OTOF: variants seen among roughly 807,000 people sequenced by gnomAD.
The protein encoded by OTOF is fer-1-like family member 2.
OTOF carries 218 observed loss-of-function variants against 236.8 expected under a neutral mutation model. The ratio of observed to expected loss-of-function variants is 0.92; its 90% CI spans 0.82 to 1.03. The LOEUF (loss-of-function observed/expected upper bound fraction) is 1.03, where lower values mean the gene tolerates loss of function less well. Ranked by LOEUF, OTOF falls within the 50% of genes least tolerant of loss-of-function variation. The pLI is 0.00. For synonymous variants in OTOF, 1,041 were observed against 1,072.5 expected (o/e 0.97, Z 0.57); for missense variants, 2,590 against 2,694.4 (o/e 0.96, Z 0.86).
At position 26,558,562 on chromosome 2, in the gene OTOF, G is replaced by A. The variant is rs758195578; in HGVS notation, c.10C>T (p.Leu4Phe). 2.5e-6 allele frequency: 4 copies of A among 1,613,814 alleles called. No individual in the cohort carries two copies. Among genetic ancestry groups the A allele is most frequent in the African/African-American group, 1.3e-5 (1 of 74,936 alleles). Residue 4 changes from leucine (L) to phenylalanine (F), a missense_variant, in exon 1 of 47, where the codon CTC (leucine) becomes TTC (phenylalanine). Leu to Phe is a conservative substitution (Grantham distance 22, BLOSUM62 0). Coordinates refer to ENST00000272371, the MANE Select transcript of OTOF (RefSeq NM_194248.3). Reference protein sequence around the residue: MALLIHLKTVSELR... With the variant: MALFIHLKTVSELR... Reference sequence around the variant, plus strand: ...TCCGAGACTGTCTTGAGGTGGATGAGCAAGGCCATGCTGGTGTGGGCTGCC... The same window carrying A: ...TCCGAGACTGTCTTGAGGTGGATGAACAAGGCCATGCTGGTGTGGGCTGCC...
intron 5 of OTOF, among the ~76,000 whole-genome samples, chr2:26,507,049 A>T (rs1314571991): frequency 6.6e-6 from 1 of 152,238 alleles, no homozygotes; most frequent in African/African-American, 2.4e-5. Context: ...CCTTGAAGCA[A>T]TTGAAAGGAG....
At chr2:26,554,283 G>C (rs72857907) in intron 1 of OTOF, among the ~76,000 whole-genome samples, 2,263 of 152,138 alleles carry the variant, frequency 0.015, 42 homozygotes, top group East Asian at 0.048. Context: ...GGCCCTTGAG[G>C]CCTCTTCCAG....
In OTOF at chr2:26,552,250, C is replaced by T. The variant is rs573386023; in HGVS notation, c.79+6243G>A. 1.9e-3 allele frequency among the ~76,000 whole-genome samples: 285 copies of T among 152,186 alleles called. 1 individual carries two copies. The highest frequency in any genetic ancestry group is 6.7e-3 in the African/African-American group (277 of 41,522). On this transcript the variant is annotated intron_variant, in intron 1 of 46. Transcript: ENST00000272371. ...ACTAAAAATACAAAAATTAGCTGAG[C>T]ATGGTGGTGCGTGCCTGTAGTCCTA...
At position 26,530,763 on chromosome 2, in the gene OTOF, G is replaced by A. The variant is rs1422064221; in HGVS notation, c.139-2843C>T. Among the ~76,000 whole-genome samples the A allele has an allele frequency of 2.0e-5, 3 of 151,896 alleles. 1 individual carries two copies. Among genetic ancestry groups the A allele is most frequent in the Admixed American group, 1.3e-4 (2 of 15,248 alleles). On this transcript the variant is annotated intron_variant, in intron 2 of 46. Transcript: ENST00000272371. ...TCTGTCTCCCTCTGTCTTTCTCAGGGGTTCTTCATCTTGGCTGGAACTGCA... is the reference window on the plus strand; with the variant it reads ...TCTGTCTCCCTCTGTCTTTCTCAGGAGTTCTTCATCTTGGCTGGAACTGCA...
At chr2:26,482,669 G>T (rs994794823) in intron 13 of OTOF, 77 bp from the exon 14 acceptor site, 2 of 1,252,600 alleles carry the variant, frequency 1.6e-6, no homozygotes, top group East Asian at 2.4e-5. Context: ...GTGAGTGGGC[G>T]CATGTGTGCG....
chr2:26,515,687 C>A (rs1416049535), intron 5 of OTOF, among the ~76,000 whole-genome samples: 1 of 152,134 alleles, frequency 6.6e-6, no homozygotes, highest in Non-Finnish European at 1.5e-5. Context: ...TCAGATGCAC[C>A]CTTGACTTAC....
intron 5 of OTOF, among the ~76,000 whole-genome samples, chr2:26,508,935 A>G (rs1037916274): frequency 2.1e-4 from 32 of 152,242 alleles, no homozygotes; most frequent in Admixed American, 3.9e-4. Flanking sequence ...TAACAATACT[A>G]TATGCCAGTT....
chr2:26,519,527 G>C (rs1477439038), intron 3 of OTOF, among the ~76,000 whole-genome samples: 2 of 152,184 alleles, frequency 1.3e-5, no homozygotes, highest in Admixed American at 1.3e-4. Context: ...AAGGTTTCCA[G>C]CCCACACCAA....
chr2:26,531,175 G>A (rs988605487), intron 2 of OTOF, among the ~76,000 whole-genome samples: 27 of 152,296 alleles, frequency 1.8e-4, no homozygotes, highest in African/African-American at 6.5e-4. Flanking sequence ...TGCTGAGGCA[G>A]CCTCTGTGAG....
In OTOF at chr2:26,467,152, C is replaced by G. The variant is rs952623680; in HGVS notation, c.4309G>C (p.Gly1437Arg). 1 of 1,614,000 alleles carries G rather than the reference C, an allele frequency of 6.2e-7. No homozygotes were observed. The highest frequency in any genetic ancestry group is 2.2e-5 in the East Asian group (1 of 44,864). ...TCGGTGGAGCCATCCTCATCATCCC[C>G]GGTCTTGCCCCGAAGCAAGTTGAAA... The part of the protein sequence containing the change: ...HTFNLLRGKT[G>R]DDEDGSTEEE... The change falls in exon 35 of 47, where the codon GGG becomes CGG. Residue 1437 changes from glycine (G) to arginine (R), a missense_variant. Physicochemically the swap from Gly to Arg is moderately radical, Grantham distance 125 (BLOSUM62 -2). Coordinates refer to ENST00000272371, the MANE Select transcript of OTOF (RefSeq NM_194248.3).
intron 24 of OTOF, 60 bp from the exon 25 acceptor site, chr2:26,475,553 C>G (rs1166384466): frequency 1.1e-5 from 17 of 1,575,760 alleles, no homozygotes; most frequent in Non-Finnish European, 1.4e-5. Context: ...GATGCACAAA[C>G]AGAAGCCACC....
intron 11 of OTOF, among the ~76,000 whole-genome samples, chr2:26,484,848 CAT>C (rs1371277231): frequency 6.6e-6 from 1 of 152,124 alleles, no homozygotes; most frequent in Admixed American, 6.5e-5. Flanking sequence ...TGCCCATGGA[CAT>C]ATATCCCATG....
intron 8 of OTOF, among the ~76,000 whole-genome samples, chr2:26,495,507 C>T (rs966836590): frequency 6.6e-6 from 1 of 151,902 alleles, no homozygotes; most frequent in Admixed American, 6.6e-5. Flanking sequence ...TCACTGCAAC[C>T]CTCTGCCTCC....
intron 1 of OTOF, among the ~76,000 whole-genome samples, chr2:26,548,353 A>G (rs192629658): frequency 8.3e-4 from 127 of 152,182 alleles, no homozygotes; most frequent in Non-Finnish European, 1.6e-3. Flanking sequence ...CATAACATTC[A>G]TCCTTCTAAA....
chr2:26,472,856 G>C (rs187581945), intron 29 of OTOF, among the ~76,000 whole-genome samples: 3 of 152,296 alleles, frequency 2.0e-5, no homozygotes, highest in African/African-American at 7.2e-5. Context: ...CGGTGGGAGG[G>C]AGGTGGCGGG....
At chr2:26,471,286 C>T (rs1664965099) in intron 30 of OTOF, 136 bp from the exon 31 acceptor site, 1 of 936,380 alleles carries the variant, frequency 1.1e-6, no homozygotes, top group African/African-American at 1.6e-5. Flanking sequence ...CCCGCAAGGC[C>T]AACTTTGCAT....
intron 1 of OTOF, among the ~76,000 whole-genome samples, chr2:26,546,397 G>A (rs1445619057): frequency 6.6e-6 from 1 of 151,742 alleles, no homozygotes; most frequent in East Asian, 1.9e-4. Context: ...GGAGGTGGAG[G>A]TTGCAGTGAG....
chr2:26,535,422 C>T (rs1667046135), intron 2 of OTOF, among the ~76,000 whole-genome samples: 1 of 152,152 alleles, frequency 6.6e-6, no homozygotes, highest in Non-Finnish European at 1.5e-5. Flanking sequence ...TCCCACGGGG[C>T]TCCCAGGTGG....
Position 26,470,295 on chromosome 2 carries a change from T to C in OTOF, c.4023+298A>G, listed in dbSNP as rs1245692413. The stretch of plus-strand genomic sequence containing the variant: ...TAAACCGGAGGCCCATCAGGGCAGG[T>C]GTGGCATCTTTTGGCTCCCATAGCA... On this transcript the variant is annotated intron_variant, in intron 32 of 46. Transcript: ENST00000272371. This position sits in a 1 kb window ranked among gnomAD's most constrained non-coding sequence, Gnocchi z 4.3. 6.6e-6 allele frequency among the ~76,000 whole-genome samples: 1 copy of C among 152,098 alleles called. No individual in the cohort carries two copies. Among genetic ancestry groups the C allele is most frequent in the African/African-American group, 2.4e-5 (1 of 41,422 alleles).
Sources: gnomAD v4.1 joint callset for allele counts (sites outside exome capture counted in the v4.1 genomes callset) on GRCh38, gnomAD v4.1.1 for gene constraint, Gnocchi (gnomAD v3.1) non-coding constraint, MANE v1.5 for transcripts, NCBI Gene and HGNC (gene_info 2026-07-23, HGNC 2026-07-21) for gene names.